Variants in SHANK2 observed in about 807,000 individuals in gnomAD.
The protein encoded by SHANK2 is SH3 and multiple ankyrin repeat domains 2.
SHANK2 carries 43 observed loss-of-function variants against 133.7 expected under a neutral mutation model. That is an observed-to-expected ratio of 0.32 (90% CI 0.25 to 0.41). The LOEUF (loss-of-function observed/expected upper bound fraction) is 0.41, where lower values mean the gene tolerates loss of function less well. SHANK2 is among the 10% of genes least tolerant of loss of function. The pLI, the probability that SHANK2 is intolerant of heterozygous loss-of-function variation, is 1.00. For synonymous variants in SHANK2, 1,017 were observed against 952.8 expected, an observed-to-expected ratio of 1.07 and a Z score of -1.24; for missense variants, 1,994 against 2,235.8, an observed-to-expected ratio of 0.89 and a Z score of 2.18.
chr11:71,086,635 C>T (rs1476294285), intron 8 of SHANK2, among the ~76,000 whole-genome samples: 1 of 150,334 alleles, frequency 6.7e-6, no homozygotes, highest in Non-Finnish European at 1.5e-5. Flanking sequence ...CAGTTGAAGG[C>T]CTTAAGACTG....
rs781945582 is a variant in SHANK2, at chr11:71,092,491, G to A, written c.843C>T (p.Cys281=). The stretch of plus-strand genomic sequence containing the variant: ...TGGCGTGTTCGTGCAGGAGAAGCTC[G>A]CAGCAGTAGGGATCACCTCCGACGA... ...TAIVGGDPYC[C]ELLLHEHATV... The change falls in exon 8 of 26, where the codon TGC becomes TGT. Residue 281 remains cysteine (C), a synonymous_variant. Transcript: ENST00000601538. The A allele has an allele frequency of 4.5e-5, 70 of 1,551,592 alleles. No individual in the cohort carries two copies. Among genetic ancestry groups the A allele is most frequent in the Non-Finnish European group, 5.1e-5 (59 of 1,147,020 alleles).
chr11:70,877,421 TG>T (rs1382644484), intron 11 of SHANK2, among the ~76,000 whole-genome samples: 2 of 151,752 alleles, frequency 1.3e-5, no homozygotes, highest in Non-Finnish European at 2.9e-5. Flanking sequence ...TTCTATTCTT[TG>T]GCAGAACACC....
At chr11:70,591,275 C>G (rs1554987988) in intron 17 of SHANK2, among the ~76,000 whole-genome samples, 1 of 151,908 alleles carries the variant, frequency 6.6e-6, no homozygotes, top group African/African-American at 2.4e-5. Context: ...TCGCTTGAAT[C>G]TGGGAGGCAG....
intron 14 of SHANK2, among the ~76,000 whole-genome samples, chr11:70,760,472 C>T (rs782370717): frequency 6.6e-6 from 1 of 152,206 alleles, no homozygotes; most frequent in Non-Finnish European, 1.5e-5. Context: ...ATTTGGAGGC[C>T]ATCGTAATCT....
At chr11:70,563,067 C>T (rs1251245774) in intron 17 of SHANK2, among the ~76,000 whole-genome samples, 2 of 152,106 alleles carry the variant, frequency 1.3e-5, no homozygotes, top group African/African-American at 4.8e-5. Flanking sequence ...AGAGGGGTTT[C>T]ACCATGTTGG....
intron 7 of SHANK2, among the ~76,000 whole-genome samples, chr11:71,093,946 G>A (rs1476654692): frequency 1.3e-5 from 2 of 152,156 alleles, no homozygotes; most frequent in African/African-American, 2.4e-5. Context: ...CAGAGGCGCC[G>A]TGGCTGCAGT....
chr11:70,485,276 C>T lies in SHANK2; in HGVS notation c.4979+38G>A, dbSNP rs550858114. On this transcript the variant is annotated intron_variant, in intron 25 of 25. Coordinates refer to ENST00000601538, the MANE Select transcript of SHANK2 (RefSeq NM_012309.5). The surrounding 1 kb of genome is among the most constrained non-coding windows in gnomAD (Gnocchi z 5.8). ...TTTCCTGGTCAGCAGGGACAGTGCA[C>T]GCAGAGCGGTGTGCATGTGCACCAA... 5.1e-6 allele frequency: 8 copies of T among 1,566,944 alleles called. No individual in the cohort carries two copies. Among genetic ancestry groups the T allele is most frequent in the African/African-American group, 1.4e-5 (1 of 74,020 alleles).
At position 70,739,357 on chromosome 11, in the gene SHANK2, G is replaced by A. The variant is rs572120529; in HGVS notation, c.1778-40594C>T. On this transcript the variant is annotated intron_variant, in intron 14 of 25. Transcript: ENST00000601538. The surrounding 1 kb of genome is among the most constrained non-coding windows in gnomAD (Gnocchi z 4.3). ...CTCCCCACAGAAGGGAGGAGGCCAG[G>A]AGGTGGACAATGAAGACAATCGTGT... Among the ~76,000 whole-genome samples the A allele has an allele frequency of 6.6e-6, 1 of 152,328 alleles. No individual in the cohort carries two copies. Among genetic ancestry groups the A allele is most frequent in the South Asian group, 2.1e-4 (1 of 4,822 alleles).
intron 11 of SHANK2, among the ~76,000 whole-genome samples, chr11:70,859,271 T>C (rs1949219596): frequency 6.6e-6 from 1 of 151,868 alleles, no homozygotes; most frequent in Admixed American, 6.6e-5. Context: ...GATGAATGAA[T>C]AAATGGATAT....
chr11:70,472,651 A>C lies in SHANK2; in HGVS notation c.*218T>G. The C allele has an allele frequency of 1.7e-6, 1 of 594,536 alleles. No individual in the cohort carries two copies. Among genetic ancestry groups the C allele is most frequent in the Non-Finnish European group, 3.0e-6 (1 of 332,454 alleles). 36.8% of individuals were successfully genotyped at this position (594,536 alleles called of 1,614,324 possible). A position where few individuals can be genotyped will look rare whatever the true frequency, so the allele number is the denominator to read the frequency against. On this transcript the variant is annotated 3_prime_UTR_variant, in exon 26 of 26. Coordinates refer to ENST00000601538, the MANE Select transcript of SHANK2 (RefSeq NM_012309.5). The surrounding 1 kb of genome is among the most constrained non-coding windows in gnomAD (Gnocchi z 4.4). ...TAGAAAAACTCCCTCCCCTTGTCCC[A>C]TGTGTGATAGAAACTGCCCAAGACA...
intron 17 of SHANK2, among the ~76,000 whole-genome samples, chr11:70,628,640 C>A (rs554391331): frequency 1.8e-3 from 275 of 152,300 alleles, no homozygotes; most frequent in Non-Finnish European, 3.0e-3. Flanking sequence ...CACTCCACAC[C>A]CAGCATCATG....
chr11:70,490,590 G>A (rs191399938), intron 22 of SHANK2, among the ~76,000 whole-genome samples: 82 of 152,350 alleles, frequency 5.4e-4, no homozygotes, highest in Non-Finnish European at 1.1e-3. Flanking sequence ...TTTCCTATTC[G>A]CTGCAGCTGC....
intron 17 of SHANK2, among the ~76,000 whole-genome samples, chr11:70,553,764 G>A (rs1554978817): frequency 1.3e-5 from 2 of 152,228 alleles, no homozygotes; most frequent in African/African-American, 4.8e-5. Flanking sequence ...AGCTTCCAGT[G>A]ATGATCTGCG....
intron 14 of SHANK2, among the ~76,000 whole-genome samples, chr11:70,716,284 A>C (rs535274605): frequency 1.3e-5 from 2 of 151,726 alleles, no homozygotes; most frequent in Admixed American, 6.6e-5. Flanking sequence ...CCCCCAAGAG[A>C]GGGCCCAGGA....
intron 17 of SHANK2, chr11:70,633,889 A>G (rs1223490587): frequency 6.6e-6 from 1 of 152,230 alleles, no homozygotes; most frequent in Non-Finnish European, 1.5e-5. Flanking sequence ...GCTCACCTCC[A>G]TTTATAGGAA....
chr11:70,762,206 C>G (rs757368792), intron 14 of SHANK2, among the ~76,000 whole-genome samples: 1 of 151,880 alleles, frequency 6.6e-6, no homozygotes, highest in African/African-American at 2.4e-5. Context: ...TAAGCCAACG[C>G]GGTAGTTCTC....
intron 6 of SHANK2, among the ~76,000 whole-genome samples, chr11:71,105,030 G>A (rs1951781389): frequency 1.3e-5 from 2 of 152,186 alleles, no homozygotes; most frequent in African/African-American, 4.8e-5. Flanking sequence ...CCACACACGG[G>A]TGTTTATGGC....
intron 23 of SHANK2, 85 bp from the exon 24 acceptor site, chr11:70,489,433 C>T: frequency 7.4e-7 from 1 of 1,348,618 alleles, no homozygotes; most frequent in Non-Finnish European, 1.1e-6. Flanking sequence ...GCAGGGGGAG[C>T]TTTAAGCACA....
At chr11:70,719,355 C>G (rs1412045212) in intron 14 of SHANK2, among the ~76,000 whole-genome samples, 1 of 152,232 alleles carries the variant, frequency 6.6e-6, no homozygotes, top group African/African-American at 2.4e-5. Context: ...TGTGCCCACC[C>G]ACTATCCATG....
Sources: gnomAD v4.1 joint callset for allele counts (sites outside exome capture counted in the v4.1 genomes callset) on GRCh38, gnomAD v4.1.1 for gene constraint, Gnocchi (gnomAD v3.1) non-coding constraint, MANE v1.5 for transcripts, NCBI Gene and HGNC (gene_info 2026-07-23, HGNC 2026-07-21) for gene names.